Variants in PHRF1 observed in about 807,000 individuals in gnomAD.
PHRF1 encodes PHD and RING finger domain-containing protein 1.
A neutral mutation model predicts 128.9 loss-of-function variants in PHRF1; 53 were observed. The observed-to-expected ratio is 0.41, with a 90% confidence interval of 0.33 to 0.52. The LOEUF is 0.52. Among genes scored for constraint, PHRF1 ranks in the 20% least tolerant of loss-of-function variants. PHRF1 has a pLI of 0.21. For synonymous variants in PHRF1, 1,178 were observed against 980.6 expected, an observed-to-expected ratio of 1.20 and a Z score of -3.76; for missense variants, 2,503 against 2,284.5, an observed-to-expected ratio of 1.10 and a Z score of -1.95.
intron 1 of PHRF1, among the ~76,000 whole-genome samples, chr11:577,677 A>G (rs1853962577): frequency 6.6e-6 from 1 of 152,218 alleles, no homozygotes; most frequent in South Asian, 2.1e-4. Flanking sequence ...TAGCTGATAC[A>G]GCAGATGGTG....
intron 6 of PHRF1, among the ~76,000 whole-genome samples, chr11:594,843 CTT>C (rs1317182334): frequency 2.6e-5 from 4 of 152,160 alleles, no homozygotes; most frequent in Non-Finnish European, 5.9e-5. Flanking sequence ...CATTTACAAA[CTT>C]GATATATTGA....
chr11:587,267 G>C lies in PHRF1; in HGVS notation c.223G>C (p.Asp75His), dbSNP rs1589866066. The change falls in exon 4 of 18, where the codon GAT (aspartate) becomes CAT (histidine). Residue 75 changes from aspartate (D) to histidine (H), a missense_variant. Transcript: ENST00000264555. The stretch of plus-strand genomic sequence containing the variant: ...GCATGTTTCCTCTCCAGGTTCCGAG[G>C]ATTCTGAAGACGACGGGGAGACATT... ...EDLEDRSGSE[D>H]SEDDGETLLE... is the part of the protein sequence containing the mutation. 3 of 1,613,392 alleles carry C rather than the reference G, an allele frequency of 1.9e-6. No individual in the cohort carries two copies. Among genetic ancestry groups the C allele is most frequent in the Middle Eastern group, 1.7e-4 (1 of 5,912 alleles).
chr11:587,807 C>T (rs1217602651), intron 4 of PHRF1, among the ~76,000 whole-genome samples: 3 of 152,156 alleles, frequency 2.0e-5, no homozygotes, highest in Admixed American at 6.5e-5. Flanking sequence ...CACTTTGCTG[C>T]CTTGACATGT....
At position 596,528 on chromosome 11, in the gene PHRF1, T is replaced by C. The variant is rs554431188; in HGVS notation, c.621-395T>C. Among the ~76,000 whole-genome samples, 34 of 152,278 alleles carry C rather than the reference T, an allele frequency of 2.2e-4. No individual in the cohort carries two copies. The South Asian group carries it at 6.8e-3, about 31-fold the overall frequency. ...GTGTGTGTCGTGTGTCGCAGCCAGC[T>C]CAGTTGCTGTCAGGATACCACAGGC... On this transcript the variant is annotated intron_variant, in intron 6 of 17. Transcript: ENST00000264555.
At chr11:592,247 G>A (rs1855015009) in intron 5 of PHRF1, among the ~76,000 whole-genome samples, 1 of 146,802 alleles carries the variant, frequency 6.8e-6, no homozygotes, top group East Asian at 2.0e-4. Flanking sequence ...GGCAGATCTT[G>A]CTCTTCCGTG....
intron 9 of PHRF1, among the ~76,000 whole-genome samples, chr11:599,879 A>C (rs775582790): frequency 7.7e-4 from 117 of 152,152 alleles, no homozygotes; most frequent in Non-Finnish European, 1.5e-3. Flanking sequence ...CCTTTTGTTC[A>C]GCACAGTACT....
chr11:601,105 C>T (rs1421291621), intron 9 of PHRF1, among the ~76,000 whole-genome samples: 3 of 151,438 alleles, frequency 2.0e-5, no homozygotes, highest in Non-Finnish European at 2.9e-5. Flanking sequence ...GAGGTAAGAT[C>T]GCACCAGTGC....
At chr11:591,174 G>A (rs193116909) in intron 4 of PHRF1, among the ~76,000 whole-genome samples, 178 of 152,328 alleles carry the variant, frequency 1.2e-3, no homozygotes, top group African/African-American at 4.1e-3. Context: ...ACGCGTTCAT[G>A]GAGCTGCTCT....
chr11:607,741 T>C lies in PHRF1; in HGVS notation c.2285T>C (p.Leu762Pro). The C allele has an allele frequency of 1.2e-6, 2 of 1,612,242 alleles. No homozygotes were observed. The highest frequency in any genetic ancestry group is 2.2e-5 in the South Asian group (2 of 91,084). ...APSSHGSLAPLGPSRGKGVGS... is the reference protein window; with the variant it reads ...APSSHGSLAPPGPSRGKGVGS... ...AGCTCCCATGGCAGTTTGGCCCCAC[T>C]GGGACCATCAAGAGGGAAAGGGGTC... is the stretch of plus-strand genomic sequence containing the variant. Residue 762 changes from leucine to proline, a missense_variant, in exon 14 of 18, where the codon CTG becomes CCG. Physicochemically the swap from Leu to Pro is moderately conservative, Grantham distance 98. Coordinates refer to ENST00000264555, the MANE Select transcript of PHRF1 (RefSeq NM_001286581.2).
chr11:611,470 G>A (rs1282958412), intron 17 of PHRF1, among the ~76,000 whole-genome samples, 164 bp from the exon 18 acceptor site: 2 of 152,194 alleles, frequency 1.3e-5, no homozygotes, highest in African/African-American at 2.4e-5. Context: ...AACAGGACGG[G>A]GGTCTCACAT....
At chr11:611,581 C>G (rs1448931720) in intron 17 of PHRF1, 53 bp from the exon 18 acceptor site, 2 of 1,609,514 alleles carry the variant, frequency 1.2e-6, no homozygotes, top group Non-Finnish European at 1.7e-6. Flanking sequence ...TGGGCTCTGG[C>G]CCGGAACATC....
intron 6 of PHRF1, among the ~76,000 whole-genome samples, chr11:595,683 C>T (rs559336531): frequency 6.8e-4 from 103 of 152,316 alleles, no homozygotes; most frequent in African/African-American, 2.4e-3. Context: ...GCCTGCCAGG[C>T]GCAGAGGGGC....
chr11:606,580 C>G lies in PHRF1; in HGVS notation c.1593C>G (p.Leu531=). The change falls in exon 13 of 18, where the codon CTC becomes CTG. Residue 531 remains leucine (L), a synonymous_variant. Transcript: ENST00000264555. ...SDVIIHRDGS[L]SAKRAAPVSF... ...TCATCATCCACCGCGACGGCTCCCT[C>G]AGCGCCAAGAGGGCGGGTGAGTGCC... 6.2e-7 allele frequency: 1 copy of G among 1,606,684 alleles called. No individual in the cohort carries two copies. The highest frequency in any genetic ancestry group is 8.5e-7 in the Non-Finnish European group (1 of 1,177,330).
Position 597,112 on chromosome 11 carries a change from A to G in PHRF1, c.718+92A>G. 7.6e-7 allele frequency: 1 copy of G among 1,319,868 alleles called. No homozygotes were observed. The highest frequency in any genetic ancestry group is 1.1e-6 in the Non-Finnish European group (1 of 944,846). 81.8% of individuals were successfully genotyped at this position (1,319,868 alleles called of 1,614,324 possible). A position where few individuals can be genotyped will look rare whatever the true frequency, so the allele number is the denominator to read the frequency against. The stretch of plus-strand genomic sequence containing the variant: ...GGTTAGGTTTGGCTGCTGTGTGGGG[A>G]GGACATCTAGGGCTGTCTCATGGGG... On this transcript the variant is annotated intron_variant, in intron 7 of 17. Coordinates refer to ENST00000264555, the MANE Select transcript of PHRF1 (RefSeq NM_001286581.2). This position sits in a 1 kb window ranked among gnomAD's most constrained non-coding sequence, Gnocchi z 6.5.
At chr11:592,929 C>T (rs147716183) in intron 6 of PHRF1, among the ~76,000 whole-genome samples, 1 of 152,236 alleles carries the variant, frequency 6.6e-6, no homozygotes, top group Admixed American at 6.5e-5. Context: ...AAGAAAACAG[C>T]CGGACAGGAG....
chr11:578,272 C>T (rs1048563157), intron 1 of PHRF1, among the ~76,000 whole-genome samples: 2 of 152,138 alleles, frequency 1.3e-5, no homozygotes, highest in Non-Finnish European at 2.9e-5. Context: ...CAAAATAGCC[C>T]CTGGTTACTT....
rs753293207 is a variant in PHRF1, at chr11:608,628, C to T, written c.3172C>T (p.Arg1058Cys). 28 of 1,612,012 alleles carry T rather than the reference C, an allele frequency of 1.7e-5. No homozygotes were observed. Among genetic ancestry groups the T allele is most frequent in the African/African-American group, 8.0e-5 (6 of 74,912 alleles). Residue 1058 changes from arginine to cysteine, a missense_variant, in exon 14 of 18, where the codon CGC becomes TGC. Coordinates refer to ENST00000264555, the MANE Select transcript of PHRF1 (RefSeq NM_001286581.2). ...CAAGAGCCGGCGGTCCTCCAGTGAC[C>T]GCTCCAGCAGCCGAGAGCGAGCTAA... is the stretch of plus-strand genomic sequence containing the variant. Reference protein sequence around the residue: ...KAKSRRSSSDRSSSRERAKRK... With the variant: ...KAKSRRSSSDCSSSRERAKRK...
intron 13 of PHRF1, 179 bp downstream of exon 13, chr11:606,775 T>G: frequency 2.0e-6 from 2 of 996,940 alleles, no homozygotes; most frequent in Non-Finnish European, 2.8e-6. Context: ...AGCTCCGAGT[T>G]CTTACCCAGC....
rs1444584838 is a variant in PHRF1 at position 609,422 on chromosome 11, G to C, written c.3966G>C (p.Glu1322Asp). ...TGGCCGTGGCCGCCATCCAGAGGGA[G>C]GTGTCATTGATGCACGATGAAGACC... ...ASLAVAAIQR[E>D]VSLMHDEDPS... is the part of the protein sequence containing the mutation. The change falls in exon 14 of 18, where the codon GAG becomes GAC. Residue 1322 changes from glutamate to aspartate, a missense_variant. Glu to Asp is a conservative substitution (Grantham distance 45, BLOSUM62 2). Coordinates refer to ENST00000264555, the MANE Select transcript of PHRF1 (RefSeq NM_001286581.2). The C allele has an allele frequency of 6.2e-7, 1 of 1,609,354 alleles. No homozygotes were observed. The highest frequency in any genetic ancestry group is 8.5e-7 in the Non-Finnish European group (1 of 1,179,822).
Sources: allele counts gnomAD v4.1 joint callset (sites outside exome capture counted in the v4.1 genomes callset), GRCh38; gene constraint gnomAD v4.1.1; non-coding constraint Gnocchi (gnomAD v3.1); transcripts MANE v1.5; gene names NCBI Gene and HGNC (gene_info 2026-07-23, HGNC 2026-07-21).